Variants in DLGAP1 observed in about 807,000 individuals in gnomAD.
DLGAP1 encodes the protein disks large-associated protein 1.
A neutral mutation model predicts 90.8 loss-of-function variants in DLGAP1; 11 were observed. That is an observed-to-expected ratio of 0.12 (90% CI 0.08 to 0.20). The LOEUF (loss-of-function observed/expected upper bound fraction) is 0.20. DLGAP1 is among the 10% of genes least tolerant of loss of function. The pLI is 1.00. For synonymous variants in DLGAP1, 558 were observed against 540.7 expected, an observed-to-expected ratio of 1.03 and a Z score of -0.44; for missense variants, 1,050 against 1,333.8, an observed-to-expected ratio of 0.79 and a Z score of 3.31.
chr18:4,054,712 G>A (rs2075187087), intron 2 of DLGAP1, among the ~76,000 whole-genome samples: 2 of 152,168 alleles, frequency 1.3e-5, no homozygotes, highest in African/African-American at 4.8e-5. Context: ...AATCTAAATT[G>A]AGATTGTTCA....
intron 1 of DLGAP1, among the ~76,000 whole-genome samples, chr18:4,223,111 TA>T (rs972848239): frequency 2.6e-5 from 4 of 152,032 alleles, no homozygotes; most frequent in African/African-American, 9.7e-5. Flanking sequence ...TAAAATAAAA[TA>T]AAATACTGTT....
chr18:3,747,730 A>G (rs549164356), intron 5 of DLGAP1, among the ~76,000 whole-genome samples: 1 of 152,344 alleles, frequency 6.6e-6, no homozygotes, highest in East Asian at 1.9e-4. Flanking sequence ...ATAAGGCACA[A>G]TTCCCAAATT....
At position 4,017,402 on chromosome 18, in the gene DLGAP1, C is replaced by A. The variant is rs571579956; in HGVS notation, c.-158-12201G>T. On this transcript the variant is annotated intron_variant, in intron 2 of 12. Coordinates refer to ENST00000315677, the MANE Select transcript of DLGAP1 (RefSeq NM_004746.4). ...GCAGAAATGGTTTGGGACTTCATAT[C>A]CTGTTTTCCCTGGAGTTCAGCATAA... Among the ~76,000 whole-genome samples the A allele has an allele frequency of 1.1e-3, 168 of 152,238 alleles. 1 individual carries two copies. The highest frequency in any genetic ancestry group is 1.7e-3 in the Non-Finnish European group (114 of 68,016).
At chr18:4,275,042 G>A (rs1351223329) in intron 1 of DLGAP1, among the ~76,000 whole-genome samples, 2 of 152,096 alleles carry the variant, frequency 1.3e-5, no homozygotes, top group African/African-American at 4.8e-5. Flanking sequence ...ATTAATATGG[G>A]AATATATAAT....
At chr18:3,685,694 TG>T (rs1186890150) in intron 7 of DLGAP1, among the ~76,000 whole-genome samples, 1 of 151,854 alleles carries the variant, frequency 6.6e-6, no homozygotes, top group East Asian at 1.9e-4. Context: ...GCAATCCTCC[TG>T]CATTGGCTCC....
intron 2 of DLGAP1, among the ~76,000 whole-genome samples, chr18:4,032,367 G>C (rs1214245973): frequency 1.3e-5 from 2 of 152,176 alleles, no homozygotes; most frequent in Non-Finnish European, 2.9e-5. Context: ...GTGTTTTACA[G>C]TGCACCATTA....
rs1314730659 is a variant in DLGAP1, at chr18:3,499,472, T to C, written c.2725-78A>G. The C allele has an allele frequency of 5.5e-6, 8 of 1,453,534 alleles. No individual in the cohort carries two copies. The highest frequency in any genetic ancestry group is 1.3e-5 in the South Asian group (1 of 78,672). The allele number at this position is 1,453,534 out of a possible 1,614,324, so 90.0% of individuals were successfully genotyped here. ...GGAAAAACTGGGATAGGTCAGTAGT[T>C]AGAACACACAGTTTTTTACCTAGGG... is the stretch of plus-strand genomic sequence containing the variant. On this transcript the variant is annotated intron_variant, in intron 12 of 12. Transcript: ENST00000315677. The surrounding 1 kb of genome is among the most constrained non-coding windows in gnomAD (Gnocchi z 6.4).
At chr18:3,715,433 G>A (rs986166851) in intron 7 of DLGAP1, among the ~76,000 whole-genome samples, 8 of 152,232 alleles carry the variant, frequency 5.3e-5, no homozygotes, top group Non-Finnish European at 2.9e-5. Flanking sequence ...AGGTGTACGA[G>A]AAAGCATTAT....
intron 1 of DLGAP1, among the ~76,000 whole-genome samples, chr18:4,298,953 C>T (rs1272349140): frequency 2.6e-5 from 4 of 151,724 alleles, no homozygotes; most frequent in Admixed American, 2.0e-4. Flanking sequence ...TGGTGGCAGG[C>T]GCCTGTAGTC....
intron 7 of DLGAP1, among the ~76,000 whole-genome samples, chr18:3,584,902 A>G (rs2055783668): frequency 6.6e-6 from 1 of 152,150 alleles, no homozygotes. Flanking sequence ...ACAGGTGTGC[A>G]CCACCACATC....
intron 1 of DLGAP1, among the ~76,000 whole-genome samples, chr18:4,276,830 T>C (rs2079428109): frequency 6.6e-6 from 1 of 152,178 alleles, no homozygotes; most frequent in South Asian, 2.1e-4. Context: ...AAATAAGAAA[T>C]ACAGATTTCT....
chr18:3,862,361 G>A (rs758281891), intron 4 of DLGAP1, among the ~76,000 whole-genome samples: 1 of 152,244 alleles, frequency 6.6e-6, no homozygotes, highest in Non-Finnish European at 1.5e-5. Flanking sequence ...AAGTAAATGT[G>A]AGGAGAAGAA....
chr18:3,934,378 C>T (rs965899235), intron 3 of DLGAP1, among the ~76,000 whole-genome samples: 12 of 152,086 alleles, frequency 7.9e-5, no homozygotes, highest in South Asian at 2.1e-4. Flanking sequence ...TCATAATCAT[C>T]GACCGATTCA....
chr18:3,659,466 C>T (rs977764934), intron 7 of DLGAP1, among the ~76,000 whole-genome samples: 2 of 147,260 alleles, frequency 1.4e-5, no homozygotes, highest in South Asian at 2.1e-4. Flanking sequence ...CCCCCACCCC[C>T]GGTTTCTTTT....
intron 7 of DLGAP1, among the ~76,000 whole-genome samples, chr18:3,644,577 A>AT (rs1599697485): frequency 6.6e-6 from 1 of 151,806 alleles, no homozygotes; most frequent in Non-Finnish European, 1.5e-5. Flanking sequence ...TTCCCGGCTA[A>AT]TTTTTTTATA....
intron 10 of DLGAP1, 60 bp from the exon 11 acceptor site, chr18:3,508,721 T>C (rs1462584251): frequency 1.1e-5 from 16 of 1,402,564 alleles, no homozygotes; most frequent in Non-Finnish European, 1.5e-5. Context: ...AGATTTAGTC[T>C]GGTAAAGCAA....
chr18:3,807,619 G>A lies in DLGAP1; in HGVS notation c.1172+6440C>T, dbSNP rs1321072519. Among the ~76,000 whole-genome samples the A allele has an allele frequency of 6.6e-5, 10 of 151,186 alleles. No homozygotes were observed. The East Asian group carries it at 1.2e-3, about 18-fold the overall frequency. ...AAAATTATTTTAAGTTTTGGGATAC[G>A]TGTACAGGATGTGCAGGTTTGTTAC... On this transcript the variant is annotated intron_variant, in intron 5 of 12. Coordinates refer to ENST00000315677, the MANE Select transcript of DLGAP1 (RefSeq NM_004746.4).
chr18:4,144,532 C>T (rs2144340922), intron 2 of DLGAP1, among the ~76,000 whole-genome samples: 1 of 152,274 alleles, frequency 6.6e-6, no homozygotes, highest in Admixed American at 6.5e-5. Context: ...TTTTCAGTGC[C>T]TCTTTTAGTG....
intron 1 of DLGAP1, among the ~76,000 whole-genome samples, chr18:4,197,823 T>C (rs532958843): frequency 5.3e-5 from 8 of 152,266 alleles, no homozygotes; most frequent in Admixed American, 2.6e-4. Context: ...GGAGAAATTA[T>C]TGAATGAGAA....
Sources: gnomAD v4.1 joint callset for allele counts (sites outside exome capture counted in the v4.1 genomes callset) on GRCh38, gnomAD v4.1.1 for gene constraint, Gnocchi (gnomAD v3.1) non-coding constraint, MANE v1.5 for transcripts, NCBI Gene and HGNC (gene_info 2026-07-23, HGNC 2026-07-21) for gene names.